PTPRN2: variants seen among roughly 807,000 people sequenced by gnomAD.
The protein encoded by PTPRN2 is protein tyrosine phosphatase receptor type N2.
PTPRN2 carries 74 observed loss-of-function variants against 118.8 expected under a neutral mutation model. The ratio of observed to expected loss-of-function variants is 0.62; its 90% CI spans 0.52 to 0.76. The LOEUF is 0.76. PTPRN2 is among the 30% of genes least tolerant of loss of function. The probability of loss-of-function intolerance (pLI) is 0.00; values close to 1 mark genes in which losing one functional copy is unlikely to be tolerated. For missense variants in PTPRN2, 1,481 were observed against 1,394.4 expected (o/e 1.06, Z -0.99); for synonymous variants, 641 against 608.0 (o/e 1.05, Z -0.80).
chr7:158,449,520 C>T lies in PTPRN2; in HGVS notation c.163+40215G>A, dbSNP rs147989019. Among the ~76,000 whole-genome samples, 514 of 150,190 alleles carry T rather than the reference C, an allele frequency of 3.4e-3. 2 individuals are homozygous for T. Among genetic ancestry groups the T allele is most frequent in the African/African-American group, 0.012 (485 of 39,534 alleles). On this transcript the variant is annotated intron_variant, in intron 2 of 22. Coordinates refer to ENST00000389418, the MANE Select transcript of PTPRN2 (RefSeq NM_002847.5). ...CAATAGGCAGAAGCAAGACACACAG[C>T]GCGGGCCGAGTCCAAACAAACACCA...
In PTPRN2 at chr7:157,585,775, A is replaced by G. The variant is rs1800639211; in HGVS notation, c.2497-7635T>C. Among the ~76,000 whole-genome samples the G allele has an allele frequency of 6.6e-6, 1 of 152,150 alleles. No individual in the cohort carries two copies. Among genetic ancestry groups the G allele is most frequent in the Non-Finnish European group, 1.5e-5 (1 of 68,024 alleles). ...GGGGAGGAGGAGTGGGGATGGGAGGAGCTGGCCGGAGGCTGGGAACCAATC... is the reference window on the plus strand; with the variant it reads ...GGGGAGGAGGAGTGGGGATGGGAGGGGCTGGCCGGAGGCTGGGAACCAATC... On this transcript the variant is annotated intron_variant, in intron 17 of 22. Transcript: ENST00000389418. This position sits in a 1 kb window ranked among gnomAD's most constrained non-coding sequence, Gnocchi z 5.2.
rs1245799240 is a variant in PTPRN2, at chr7:157,763,075, C to G, written c.1789-80138G>C. ...CCCTCCATCAGAGCCCACGGCCGCC[C>G]ACTCATGGTCACAGAGCTAACCATC... On this transcript the variant is annotated intron_variant, in intron 12 of 22. Transcript: ENST00000389418. This position sits in a 1 kb window ranked among gnomAD's most constrained non-coding sequence, Gnocchi z 4.9. Among the ~76,000 whole-genome samples the G allele has an allele frequency of 7.0e-6, 1 of 142,460 alleles. No individual in the cohort carries two copies. The highest frequency in any genetic ancestry group is 6.8e-5 in the Admixed American group (1 of 14,644). The allele number at this position is 142,460 out of a possible 152,430, so 93.5% of individuals were successfully genotyped here.
chr7:158,255,454 C>T (rs1250135770), intron 3 of PTPRN2, among the ~76,000 whole-genome samples: 3 of 152,262 alleles, frequency 2.0e-5, no homozygotes, highest in South Asian at 2.1e-4. Flanking sequence ...GATCCGCGGC[C>T]GAACCACCTT....
chr7:158,002,281 C>T lies in PTPRN2; in HGVS notation c.1723+79017G>A, dbSNP rs546794177. 2.8e-3 allele frequency among the ~76,000 whole-genome samples: 422 copies of T among 152,322 alleles called. 3 individuals carry two copies. Among genetic ancestry groups the T allele is most frequent in the African/African-American group, 9.8e-3 (407 of 41,578 alleles). ...GTGCTCTGGATGGTCACTCACTCAC[C>T]CCTTTATTAAGAGTTGGTTCTACGG... is the stretch of plus-strand genomic sequence containing the variant. On this transcript the variant is annotated intron_variant, in intron 11 of 22. Coordinates refer to ENST00000389418, the MANE Select transcript of PTPRN2 (RefSeq NM_002847.5).
chr7:157,624,914 G>A, intron 14 of PTPRN2, among the ~76,000 whole-genome samples: 1 of 152,150 alleles, frequency 6.6e-6, no homozygotes, highest in Non-Finnish European at 1.5e-5. Flanking sequence ...CAAAAAGTGG[G>A]CTAAGGACAT....
intron 1 of PTPRN2, chr7:158,541,792 AGG>A (rs1825997809): frequency 4.2e-6 from 4 of 961,448 alleles, no homozygotes; most frequent in East Asian, 1.2e-4. Flanking sequence ...TCAGAGGAGA[AGG>A]GGCCAAGGCC....
intron 11 of PTPRN2, among the ~76,000 whole-genome samples, chr7:158,047,907 C>A (rs1224072859): frequency 6.6e-5 from 10 of 152,142 alleles, no homozygotes; most frequent in Non-Finnish European, 5.9e-5. Flanking sequence ...ATGAACAGGG[C>A]AGTGCAAGGT....
At chr7:158,501,180 C>T (rs938477201) in intron 1 of PTPRN2, among the ~76,000 whole-genome samples, 1 of 152,252 alleles carries the variant, frequency 6.6e-6, no homozygotes, top group Non-Finnish European at 1.5e-5. Flanking sequence ...GCAGCAACAA[C>T]CCACTTGCGG....
intron 14 of PTPRN2, among the ~76,000 whole-genome samples, chr7:157,631,558 C>G (rs1210502015): frequency 6.7e-6 from 1 of 150,204 alleles, no homozygotes; most frequent in East Asian, 2.0e-4. Flanking sequence ...ATTAGCCAGG[C>G]GTGGTGGCGG....
intron 17 of PTPRN2, among the ~76,000 whole-genome samples, chr7:157,586,047 G>A (rs1300988671): frequency 2.0e-5 from 3 of 152,132 alleles, no homozygotes; most frequent in Non-Finnish European, 4.4e-5. Context: ...TTAAAGGTTC[G>A]TGAATTTATG....
At chr7:157,871,757 G>A (rs1811062468) in intron 12 of PTPRN2, among the ~76,000 whole-genome samples, 1 of 131,890 alleles carries the variant, frequency 7.6e-6, no homozygotes. Flanking sequence ...CCACACATAT[G>A]CACACATACA....
Position 157,926,658 on chromosome 7 carries a change from C to T in PTPRN2, c.1724-27921G>A, listed in dbSNP as rs184659758. ...CCTACGCACCCTCCAGTGCCCCTTC[C>T]TCTAAACACTCTGTAGCTGCATTCA... On this transcript the variant is annotated intron_variant, in intron 11 of 22. Transcript: ENST00000389418. Among the ~76,000 whole-genome samples, 316 of 152,318 alleles carry T rather than the reference C, an allele frequency of 2.1e-3. 2 individuals are homozygous for T. The highest frequency in any genetic ancestry group is 3.3e-3 in the Non-Finnish European group (223 of 68,032).
At chr7:158,560,870 A>C (rs564047456) in intron 1 of PTPRN2, among the ~76,000 whole-genome samples, 2 of 152,400 alleles carry the variant, frequency 1.3e-5, no homozygotes, top group South Asian at 4.1e-4. Flanking sequence ...ACAGGTTAAA[A>C]AACCTAAAGC....
intron 1 of PTPRN2, among the ~76,000 whole-genome samples, chr7:158,547,213 T>A (rs958814630): frequency 6.6e-6 from 1 of 152,344 alleles, no homozygotes; most frequent in Non-Finnish European, 1.5e-5. Flanking sequence ...AGTTTTAATA[T>A]ACAATTCTGT....
At chr7:157,731,073 C>A (rs1423981251) in intron 12 of PTPRN2, among the ~76,000 whole-genome samples, 1 of 152,156 alleles carries the variant, frequency 6.6e-6, no homozygotes, top group Admixed American at 6.5e-5. Context: ...TCAAGTAAAC[C>A]CCCTGCAGTT....
At chr7:158,367,467 G>A (rs1809628086) in intron 2 of PTPRN2, among the ~76,000 whole-genome samples, 1 of 152,196 alleles carries the variant, frequency 6.6e-6, no homozygotes, top group Non-Finnish European at 1.5e-5. Context: ...AGGACGCAGT[G>A]GTTCACAGGA....
At chr7:158,364,798 A>G (rs1206018260) in intron 2 of PTPRN2, among the ~76,000 whole-genome samples, 1 of 152,076 alleles carries the variant, frequency 6.6e-6, no homozygotes, top group African/African-American at 2.4e-5. Context: ...AGGCATGTTT[A>G]CCTCTAAATA....
intron 12 of PTPRN2, among the ~76,000 whole-genome samples, chr7:157,703,138 A>G (rs1798160538): frequency 6.6e-6 from 1 of 152,230 alleles, no homozygotes; most frequent in Admixed American, 6.5e-5. Flanking sequence ...TGTGGCCGGC[A>G]GCCTCTGAGA....
chr7:158,267,950 G>C (rs1797992293), intron 3 of PTPRN2, among the ~76,000 whole-genome samples: 1 of 152,176 alleles, frequency 6.6e-6, no homozygotes, highest in Non-Finnish European at 1.5e-5. Context: ...TGATGCAGTT[G>C]ACTCTTCCCA....
Sources: gnomAD v4.1 joint callset for allele counts (sites outside exome capture counted in the v4.1 genomes callset) on GRCh38, gnomAD v4.1.1 for gene constraint, Gnocchi (gnomAD v3.1) non-coding constraint, MANE v1.5 for transcripts, NCBI Gene and HGNC (gene_info 2026-07-23, HGNC 2026-07-21) for gene names.